The following SAMMSON variants were observed in gnomAD, a reference collection of about 807,000 sequenced individuals.
SAMMSON encodes survival associated mitochondrial melanoma specific oncogenic non-coding RNA.
At chr3:70,212,876 T>G (rs1701365035) in intron 4 of SAMMSON, among the ~76,000 whole-genome samples, 1 of 151,970 alleles carries the variant, frequency 6.6e-6, no homozygotes, top group South Asian at 2.1e-4. Context: ...TCACTGCAGC[T>G]TCAACCTCCC....
intron 7 of SAMMSON, among the ~76,000 whole-genome samples, chr3:70,318,264 C>G (rs369893713): frequency 2.0e-5 from 3 of 151,940 alleles, no homozygotes; most frequent in Admixed American, 1.3e-4. Context: ...TATTAGACCA[C>G]TTGATATTTT....
At chr3:70,246,513 C>T (rs1432129854) in intron 4 of SAMMSON, among the ~76,000 whole-genome samples, 1 of 151,996 alleles carries the variant, frequency 6.6e-6, no homozygotes, top group African/African-American at 2.4e-5. Context: ...TCAGACTTAT[C>T]AAACAGAAAC....
chr3:70,013,249 G>A (rs1289889922), intron 2 of SAMMSON, among the ~76,000 whole-genome samples: 4 of 152,010 alleles, frequency 2.6e-5, no homozygotes, highest in African/African-American at 9.7e-5. Context: ...TTGTAGTCTT[G>A]CCTAGTTTTT....
At chr3:70,315,796 C>A (rs931901581) in intron 7 of SAMMSON, among the ~76,000 whole-genome samples, 1 of 151,914 alleles carries the variant, frequency 6.6e-6, no homozygotes, top group African/African-American at 2.4e-5. Flanking sequence ...ACTGGGAAAC[C>A]ACAGAGACCC....
intron 2 of SAMMSON, among the ~76,000 whole-genome samples, chr3:70,410,297 G>T (rs1252543989): frequency 2.6e-5 from 4 of 152,190 alleles, no homozygotes; most frequent in Non-Finnish European, 5.9e-5. Context: ...TTCTGTAGCT[G>T]CAGAAGTGAA....
At chr3:70,231,936 A>G (rs1016100669) in intron 4 of SAMMSON, among the ~76,000 whole-genome samples, 1 of 152,158 alleles carries the variant, frequency 6.6e-6, no homozygotes. Flanking sequence ...ACCAAATAAC[A>G]GTCGTGTATT....
At chr3:70,163,652 A>C (rs2067625385) in intron 4 of SAMMSON, among the ~76,000 whole-genome samples, 1 of 151,966 alleles carries the variant, frequency 6.6e-6, no homozygotes. Context: ...TCATAACAAA[A>C]AGCACATTTT....
intron 7 of SAMMSON, among the ~76,000 whole-genome samples, chr3:70,328,278 T>A (rs1283019666): frequency 6.6e-6 from 1 of 151,984 alleles, no homozygotes; most frequent in South Asian, 2.1e-4. Context: ...TGACATCCAA[T>A]CAAAAATTAC....
intron 7 of SAMMSON, among the ~76,000 whole-genome samples, chr3:70,345,112 G>A (rs922556439): frequency 6.6e-5 from 10 of 151,808 alleles, no homozygotes; most frequent in Admixed American, 2.6e-4. Flanking sequence ...AGTTTATACC[G>A]ATGTCTCCAT....
rs139810187 is a variant in SAMMSON, at chr3:70,339,589, C to T, written n.740-14586C>T. On this transcript the variant is annotated intron_variant and non_coding_transcript_variant, in intron 7 of 9. Coordinates refer to ENST00000642114, the Ensembl canonical transcript of SAMMSON. ...TCAAACAACCCCATCAGCAAGTGGGCGAAGGATATGAACAGATACTTCTGA... is the reference window on the plus strand; with the variant it reads ...TCAAACAACCCCATCAGCAAGTGGGTGAAGGATATGAACAGATACTTCTGA... Among the ~76,000 whole-genome samples, 185 of 152,132 alleles carry T rather than the reference C, an allele frequency of 1.2e-3. 3 individuals are homozygous for T. In the East Asian group the frequency reaches 0.026, roughly 21 times the overall value.
At chr3:70,323,739 T>C (rs199878957) in intron 7 of SAMMSON, among the ~76,000 whole-genome samples, 5 of 152,146 alleles carry the variant, frequency 3.3e-5, no homozygotes, top group East Asian at 1.9e-4. Flanking sequence ...TCCTTCACCT[T>C]GTTCCTTTTC....
chr3:70,413,836 TAATA>T (rs1446868939), intron 2 of SAMMSON, among the ~76,000 whole-genome samples: 5 of 152,178 alleles, frequency 3.3e-5, no homozygotes, highest in African/African-American at 1.2e-4. Flanking sequence ...GACGATTCAA[TAATA>T]AATAGCTCTG....
rs966414848 is a variant in SAMMSON at position 70,424,485 on chromosome 3, G to GT, written n.234-38066dup. ...TGTACTAAAATATGTTAAATACCAA[G>GT]TTTTTTTTTAATTTCACACTGGATG... On this transcript the variant is annotated intron_variant and non_coding_transcript_variant, in intron 2 of 3. Coordinates refer to the SAMMSON transcript ENST00000641053. Among the ~76,000 whole-genome samples, 11 of 151,478 alleles carry GT rather than the reference G, an allele frequency of 7.3e-5. No homozygotes were observed. In the South Asian group the frequency reaches 1.0e-3, roughly 14 times the overall value.
At chr3:70,296,306 A>G (rs1702288408) in intron 7 of SAMMSON, among the ~76,000 whole-genome samples, 2 of 152,118 alleles carry the variant, frequency 1.3e-5, no homozygotes, top group South Asian at 4.1e-4. Context: ...TTTCCAAATC[A>G]GTTTATTGTC....
chr3:70,221,412 C>CT (rs1701459299), intron 4 of SAMMSON, among the ~76,000 whole-genome samples: 1 of 151,978 alleles, frequency 6.6e-6, no homozygotes, highest in Non-Finnish European at 1.5e-5. Context: ...TTATTCATTG[C>CT]TTTTTTACTA....
At chr3:70,129,515 A>G (rs971010038) in intron 4 of SAMMSON, among the ~76,000 whole-genome samples, 1 of 152,176 alleles carries the variant, frequency 6.6e-6, no homozygotes, top group African/African-American at 2.4e-5. Flanking sequence ...TTTTTAATAT[A>G]TCTTTCATAA....
chr3:70,301,648 C>T (rs1340472773), intron 7 of SAMMSON, among the ~76,000 whole-genome samples: 2 of 151,990 alleles, frequency 1.3e-5, no homozygotes, highest in Non-Finnish European at 2.9e-5. Context: ...ACATATTGGT[C>T]TAACAAATTA....
intron 4 of SAMMSON, among the ~76,000 whole-genome samples, chr3:70,132,611 G>A (rs988025951): frequency 1.3e-5 from 2 of 151,968 alleles, no homozygotes; most frequent in East Asian, 3.9e-4. Context: ...CTTGCAGGCT[G>A]CAACCTTTAT....
chr3:70,427,752 A>AG (rs1185234880), intron 2 of SAMMSON, among the ~76,000 whole-genome samples: 3 of 151,960 alleles, frequency 2.0e-5, no homozygotes, highest in African/African-American at 7.3e-5. Flanking sequence ...AAAAAAAAAA[A>AG]AAAATGTCCA....
Sources: gnomAD v4.1 joint callset for allele counts (sites outside exome capture counted in the v4.1 genomes callset) on GRCh38, gnomAD v4.1.1 for gene constraint, MANE v1.5 for transcripts, NCBI Gene and HGNC (gene_info 2026-07-23, HGNC 2026-07-21) for gene names.